The following XKR4 variants were observed in gnomAD, a reference collection of about 807,000 sequenced individuals.
XKR4 encodes the protein XK related 4.
A neutral mutation model predicts 53.9 loss-of-function variants in XKR4; 12 were observed. The observed-to-expected ratio is 0.22, with a 90% confidence interval of 0.14 to 0.36. The LOEUF is 0.36. XKR4 is among the 10% of genes least tolerant of loss of function. The probability of loss-of-function intolerance (pLI) is 1.00; values close to 1 mark genes in which losing one functional copy is unlikely to be tolerated. For synonymous variants in XKR4, 354 were observed against 362.4 expected, an observed-to-expected ratio of 0.98 and a Z score of 0.26; for missense variants, 799 against 859.5, an observed-to-expected ratio of 0.93 and a Z score of 0.88.
chr8:55,206,170 G>C (rs1371653423), intron 1 of XKR4, among the ~76,000 whole-genome samples: 1 of 152,200 alleles, frequency 6.6e-6, no homozygotes, highest in African/African-American at 2.4e-5. Flanking sequence ...AAGAGCAAAA[G>C]AACAAACCTT....
intron 1 of XKR4, among the ~76,000 whole-genome samples, chr8:55,129,318 T>A (rs919544575): frequency 1.1e-4 from 17 of 152,184 alleles, no homozygotes; most frequent in Non-Finnish European, 2.2e-4. Flanking sequence ...CAAATTCCAA[T>A]GAAAAAAATT....
chr8:55,540,329 T>C lies in XKR4; in HGVS notation c.*16102T>C, dbSNP rs962161980. On this transcript the variant is annotated 3_prime_UTR_variant, in exon 3 of 3. Coordinates refer to ENST00000327381, the MANE Select transcript of XKR4 (RefSeq NM_052898.2). Reference sequence around the variant, plus strand: ...GAAATTCTCTTTTGATCAAAAGGAGTGTCTCCCAATTAGTTTACGTGTGTT... The same window carrying C: ...GAAATTCTCTTTTGATCAAAAGGAGCGTCTCCCAATTAGTTTACGTGTGTT... 2 of 152,124 alleles carry C rather than the reference T, an allele frequency of 1.3e-5. No individual in the cohort carries two copies. The highest frequency in any genetic ancestry group is 2.4e-5 in the African/African-American group (1 of 41,432). The allele number at this position is 152,124 out of a possible 1,614,324, so 9.4% of individuals were successfully genotyped here.
chr8:55,266,645 C>A (rs998059148), intron 1 of XKR4, among the ~76,000 whole-genome samples: 2 of 152,002 alleles, frequency 1.3e-5, no homozygotes, highest in African/African-American at 2.4e-5. Flanking sequence ...AGTATGAGAT[C>A]AAAAATGAGA....
intron 2 of XKR4, among the ~76,000 whole-genome samples, chr8:55,407,562 C>A (rs114501774): frequency 2.0e-5 from 3 of 152,224 alleles, no homozygotes; most frequent in African/African-American, 7.2e-5. Flanking sequence ...AGCTGGCCCT[C>A]GGGTCAGATG....
chr8:55,412,450 CAG>C (rs1804790054), intron 2 of XKR4, among the ~76,000 whole-genome samples: 2 of 152,132 alleles, frequency 1.3e-5, no homozygotes, highest in Non-Finnish European at 2.9e-5. Context: ...GTGACAATGG[CAG>C]AGTCAAGGCT....
At chr8:55,221,512 A>G (rs540843522) in intron 1 of XKR4, among the ~76,000 whole-genome samples, 1 of 152,128 alleles carries the variant, frequency 6.6e-6, no homozygotes, top group South Asian at 2.1e-4. Context: ...GATGTTTCTG[A>G]TGGTCAAAGC....
intron 1 of XKR4, among the ~76,000 whole-genome samples, chr8:55,244,144 T>C (rs1259566279): frequency 1.3e-5 from 2 of 152,204 alleles, no homozygotes; most frequent in African/African-American, 4.8e-5. Context: ...AGGGGCTTAG[T>C]ATACAGATTA....
At chr8:55,296,531 A>AT (rs538486584) in intron 1 of XKR4, among the ~76,000 whole-genome samples, 7 of 151,952 alleles carry the variant, frequency 4.6e-5, no homozygotes, top group Non-Finnish European at 1.0e-4. Flanking sequence ...TGCCAATACT[A>AT]TTTTTTTTCT....
chr8:55,123,565 C>T (rs1277295687), intron 1 of XKR4, among the ~76,000 whole-genome samples: 2 of 152,308 alleles, frequency 1.3e-5, no homozygotes, highest in South Asian at 2.1e-4. Flanking sequence ...TGGTTCCCTT[C>T]GAGAACATCT....
At chr8:55,247,067 C>A (rs1255668009) in intron 1 of XKR4, among the ~76,000 whole-genome samples, 5 of 152,184 alleles carry the variant, frequency 3.3e-5, no homozygotes, top group Admixed American at 2.6e-4. Flanking sequence ...CTAAGGTAAA[C>A]CATCCCAAGT....
Position 55,540,636 on chromosome 8 carries a change from C to T in XKR4, c.*16409C>T, listed in dbSNP as rs1446374615. 1 of 152,184 alleles carries T rather than the reference C, an allele frequency of 6.6e-6. No individual in the cohort carries two copies. Among genetic ancestry groups the T allele is most frequent in the East Asian group, 1.9e-4 (1 of 5,196 alleles). The allele number at this position is 152,184 out of a possible 1,614,324, so 9.4% of individuals were successfully genotyped here. On this transcript the variant is annotated 3_prime_UTR_variant, in exon 3 of 3. Transcript: ENST00000327381. ...ATTTTTCCCATTCTCAGAACAAAGA[C>T]AGCAACCAATGAGCCAGAGGTTTCT...
intron 2 of XKR4, among the ~76,000 whole-genome samples, chr8:55,373,323 C>T (rs539740992): frequency 1.3e-5 from 2 of 152,274 alleles, no homozygotes; most frequent in South Asian, 4.1e-4. Flanking sequence ...TGCACCACCA[C>T]ACCCAGCTAA....
At chr8:55,288,247 C>T (rs569920152) in intron 1 of XKR4, among the ~76,000 whole-genome samples, 6 of 152,254 alleles carry the variant, frequency 3.9e-5, no homozygotes, top group South Asian at 2.1e-4. Flanking sequence ...GATTGCAATT[C>T]GGCTTTCAAG....
chr8:55,442,134 TAA>T (rs1805278518), intron 2 of XKR4, among the ~76,000 whole-genome samples: 1 of 152,080 alleles, frequency 6.6e-6, no homozygotes, highest in Non-Finnish European at 1.5e-5. Flanking sequence ...GCACAAATTT[TAA>T]AAAGAAATAA....
At chr8:55,243,224 A>C (rs1818236105) in intron 1 of XKR4, among the ~76,000 whole-genome samples, 2 of 152,082 alleles carry the variant, frequency 1.3e-5, no homozygotes, top group Admixed American at 1.3e-4. Flanking sequence ...CCTTAGGTTC[A>C]CTCTTCGTGG....
At chr8:55,112,328 A>C (rs1294149164) in intron 1 of XKR4, among the ~76,000 whole-genome samples, 1 of 152,148 alleles carries the variant, frequency 6.6e-6, no homozygotes, top group Non-Finnish European at 1.5e-5. Context: ...CAAATAGAGA[A>C]TCATGCACAT....
intron 1 of XKR4, among the ~76,000 whole-genome samples, chr8:55,131,371 A>C (rs1399919766): frequency 6.6e-6 from 1 of 152,202 alleles, no homozygotes; most frequent in Non-Finnish European, 1.5e-5. Flanking sequence ...TTCTCATTCT[A>C]AACACATTCT....
At chr8:55,154,450 T>C (rs1391762549) in intron 1 of XKR4, among the ~76,000 whole-genome samples, 1 of 152,226 alleles carries the variant, frequency 6.6e-6, no homozygotes, top group Non-Finnish European at 1.5e-5. Flanking sequence ...TCTATTTAAA[T>C]TTAATTTTCT....
chr8:55,103,057 C>T lies in XKR4; in HGVS notation c.569C>T (p.Ala190Val), dbSNP rs749438952. The T allele has an allele frequency of 5.0e-6, 8 of 1,612,720 alleles. No homozygotes were observed. The highest frequency in any genetic ancestry group is 1.7e-5 in the Admixed American group (1 of 59,964). ...AAASSCPQPG[A>V]DCKTVVGGGS... ...GCCTCCAGCTGCCCGCAGCCTGGAG[C>T]CGATTGCAAGACGGTGGTCGGCGGT... The change falls in exon 1 of 3, where the codon GCC (alanine) becomes GTC (valine). Residue 190 changes from alanine (A) to valine (V), a missense_variant. Around this residue, in one of 3 missense-constraint regions of XKR4, gnomAD observed 476 missense variants for 505.4 expected, o/e 0.94. Coordinates refer to ENST00000327381, the MANE Select transcript of XKR4 (RefSeq NM_052898.2).
Sources: allele counts gnomAD v4.1 joint callset (sites outside exome capture counted in the v4.1 genomes callset), GRCh38; gene constraint gnomAD v4.1.1; regional missense constraint gnomAD v4.1.1; transcripts MANE v1.5; gene names NCBI Gene and HGNC (gene_info 2026-07-23, HGNC 2026-07-21).